The following NOS3 variants were observed in gnomAD, a reference collection of about 807,000 sequenced individuals.
The protein encoded by NOS3 is NOS type III.
A neutral mutation model predicts 144.9 loss-of-function variants in NOS3; 98 were observed. That is an observed-to-expected ratio of 0.68 (90% CI 0.57 to 0.80). NOS3 has a LOEUF of 0.80. Ranked by LOEUF, NOS3 falls within the 30% of genes least tolerant of loss-of-function variation. NOS3 has a pLI of 0.00. For missense variants in NOS3, 1,465 were observed against 1,656.4 expected (o/e 0.88, Z 2.01); for synonymous variants, 714 against 702.4 (o/e 1.02, Z -0.26).
intron 20 of NOS3, 79 bp downstream of exon 20, chr7:151,009,664 T>G: frequency 7.6e-7 from 1 of 1,310,462 alleles, no homozygotes; most frequent in Non-Finnish European, 1.0e-6. Flanking sequence ...CTCCAGGAGC[T>G]CAGGACCCGA....
At chr7:151,012,559 G>A in intron 24 of NOS3, 87 bp downstream of exon 24, 1 of 1,466,478 alleles carries the variant, frequency 6.8e-7, no homozygotes, top group Non-Finnish European at 9.3e-7. Context: ...AAATAGGAAA[G>A]AGAGGGCAGG....
At position 151,010,638 on chromosome 7, in the gene NOS3, C is replaced by G; in HGVS notation, c.2727C>G (p.Pro909=). Reference sequence around the variant, plus strand: ...AGGAGTGGAAGTGGTTCCGCTGCCCCACGCTGCTGGAGGTGCTGGAGCAGT... The same window carrying G: ...AGGAGTGGAAGTGGTTCCGCTGCCCGACGCTGCTGGAGGTGCTGGAGCAGT... ...RYEEWKWFRC[P]TLLEVLEQFP... Residue 909 remains proline, a synonymous_variant, in exon 22 of 27, where the codon CCC becomes CCG. Transcript: ENST00000297494. 2 of 1,605,498 alleles carry G rather than the reference C, an allele frequency of 1.2e-6. No individual in the cohort carries two copies. The highest frequency in any genetic ancestry group is 1.3e-5 in the African/African-American group (1 of 74,856).
At chr7:151,006,780 T>C (rs1795212057) in intron 15 of NOS3, 109 bp from the exon 16 acceptor site, 3 of 922,156 alleles carry the variant, frequency 3.3e-6, no homozygotes, top group Admixed American at 1.9e-5. Flanking sequence ...GGGCAGGGCC[T>C]TTCCTGTCCC....
rs1471729204 is a variant in NOS3, at chr7:151,009,194, A to T, written c.2251A>T (p.Ile751Phe). The T allele has an allele frequency of 3.1e-6, 5 of 1,612,326 alleles. No homozygotes were observed. Among genetic ancestry groups the T allele is most frequent in the Non-Finnish European group, 4.2e-6 (5 of 1,179,364 alleles). ...TTGCCCCTCCCCGCCCCCAGGTCTG[A>T]TCCACGTGCACAGGCGGAAGATGTT... ...AEGLQLLPGL[I>F]HVHRRKMFQA... Residue 751 changes from isoleucine to phenylalanine, a missense_variant, in exon 19 of 27, where the codon ATC (isoleucine) becomes TTC (phenylalanine). Ile to Phe is a conservative substitution (Grantham distance 21). Transcript: ENST00000297494.
chr7:150,997,614 C>T (rs1294792353), intron 5 of NOS3, among the ~76,000 whole-genome samples: 2 of 152,198 alleles, frequency 1.3e-5, no homozygotes, highest in Non-Finnish European at 2.9e-5. Flanking sequence ...CATCACTGGC[C>T]GCCAAAGAGT....
chr7:151,011,611 CAA>C (rs371264947), intron 23 of NOS3, among the ~76,000 whole-genome samples: 1,765 of 126,802 alleles, frequency 0.014, 39 homozygotes, highest in African/African-American at 0.043. Context: ...GACTCTGTCT[CAA>C]AAAAAAAAAA....
Position 151,009,382 on chromosome 7 carries a change from C to G in NOS3, c.2325-16C>G. The G allele has an allele frequency of 7.0e-7, 1 of 1,426,702 alleles. No individual in the cohort carries two copies. The highest frequency in any genetic ancestry group is 9.5e-7 in the Non-Finnish European group (1 of 1,057,850). The allele number at this position is 1,426,702 out of a possible 1,614,324, so 88.4% of individuals were successfully genotyped here. A position where few individuals can be genotyped will look rare whatever the true frequency, so the allele number is the denominator to read the frequency against. On this transcript the variant is annotated splice_polypyrimidine_tract_variant and intron_variant, in intron 19 of 26. Coordinates refer to ENST00000297494, the MANE Select transcript of NOS3 (RefSeq NM_000603.5). ...CCTCTCTGACTCCCCATAAGTGCCCCTCTCCCCACCCCCAGGAGGGCCACC... is the reference window on the plus strand; with the variant it reads ...CCTCTCTGACTCCCCATAAGTGCCCGTCTCCCCACCCCCAGGAGGGCCACC...
chr7:151,000,655 G>A lies in NOS3; in HGVS notation c.1233+56G>A, dbSNP rs1008426696. ...AAGGGTTTGCATACGGGGGCAGCAG[G>A]GGCGGGGGATGGAGGAGAGGCAGCC... On this transcript the variant is annotated intron_variant, in intron 10 of 26. Transcript: ENST00000297494. 15 of 1,213,816 alleles carry A rather than the reference G, an allele frequency of 1.2e-5. No homozygotes were observed. In the South Asian group the frequency reaches 1.7e-4, roughly 14 times the overall value. The allele number at this position is 1,213,816 out of a possible 1,614,324, so 75.2% of individuals were successfully genotyped here.
Position 151,006,950 on chromosome 7 carries a change from C to T in NOS3, c.1882C>T (p.Arg628Trp), listed in dbSNP as rs570681394. The change falls in exon 16 of 27, where the codon CGG (arginine) becomes TGG (tryptophan). Residue 628 changes from arginine to tryptophan, a missense_variant. Coordinates refer to ENST00000297494, the MANE Select transcript of NOS3 (RefSeq NM_000603.5). Reference sequence around the variant, plus strand: ...AGACCCACTGGTGTCCTCTTGGCGGCGGAAGAGGAAGGAGTCCAGTAACAC... The same window carrying T: ...AGACCCACTGGTGTCCTCTTGGCGGTGGAAGAGGAAGGAGTCCAGTAACAC... ...CSDPLVSSWR[R>W]KRKESSNTDS... 453 of 1,614,122 alleles carry T rather than the reference C, an allele frequency of 2.8e-4. 5 individuals are homozygous for T. In the South Asian group the frequency reaches 4.6e-3, roughly 16 times the overall value.
At chr7:151,001,718 C>A in intron 12 of NOS3, 101 bp downstream of exon 12, 1 of 1,575,054 alleles carries the variant, frequency 6.3e-7, no homozygotes, top group Non-Finnish European at 8.7e-7. Context: ...TCTGGGCCTA[C>A]CACTCAGTAT....
rs1584911926 is a variant in NOS3 at position 151,010,442 on chromosome 7, A to T, written c.2685+155A>T. 33 of 1,054,538 alleles carry T rather than the reference A, an allele frequency of 3.1e-5. No homozygotes were observed. In the East Asian group the frequency reaches 8.1e-4, roughly 26 times the overall value. 65.3% of individuals were successfully genotyped at this position (1,054,538 alleles called of 1,614,324 possible). A position where few individuals can be genotyped will look rare whatever the true frequency, so the allele number is the denominator to read the frequency against. On this transcript the variant is annotated intron_variant, in intron 21 of 26. Transcript: ENST00000297494. ...TTAAGACCCAGCTCCTCAGGGAGGA[A>T]TTCATGGCTGGATTCTCCAGGTCTT...
At chr7:151,007,311 C>A in intron 17 of NOS3, 35 bp downstream of exon 17, 2 of 1,557,110 alleles carry the variant, frequency 1.3e-6, no homozygotes, top group Non-Finnish European at 1.7e-6. Flanking sequence ...TGACTCCTGC[C>A]CCCTGGGATG....
In NOS3 at chr7:151,001,417, C is replaced by A. The variant is rs145805216; in HGVS notation, c.1420C>A (p.Arg474Ser). 3 of 1,586,870 alleles carry A rather than the reference C, an allele frequency of 1.9e-6. No homozygotes were observed. The highest frequency in any genetic ancestry group is 1.3e-5 in the African/African-American group (1 of 74,324). Residue 474 changes from arginine to serine, a missense_variant, in exon 11 of 27, where the codon CGC becomes AGC. This residue lies in a region of NOS3 where 745 missense variants were observed against 853.9 expected (regional missense o/e 0.87). Coordinates refer to ENST00000297494, the MANE Select transcript of NOS3 (RefSeq NM_000603.5). ...MVNYFLSPAF[R>S]YQPDPWKGSA... ...CAACTATTTCCTGTCCCCGGCCTTC[C>A]GCTACCAGGTGCCCACCCTAACTGG...
intron 4 of NOS3, 81 bp from the exon 5 acceptor site, chr7:150,996,682 C>A: frequency 6.6e-7 from 1 of 1,511,558 alleles, no homozygotes; most frequent in African/African-American, 1.4e-5. Context: ...CCTCCCCCAG[C>A]ACTTGCACAA....
At chr7:151,007,403 C>T in intron 17 of NOS3, 127 bp downstream of exon 17, 1 of 1,079,938 alleles carries the variant, frequency 9.3e-7, no homozygotes, top group South Asian at 1.6e-5. Flanking sequence ...CCTCATCTCT[C>T]CATGGCATAG....
chr7:150,996,342 C>G lies in NOS3; in HGVS notation c.271-62C>G, dbSNP rs11974098. The G allele has an allele frequency of 4.9e-3, 4,058 of 824,400 alleles. 239 individuals are homozygous for G. The African/African-American group carries it at 0.069, about 14-fold the overall frequency. The allele number at this position is 824,400 out of a possible 1,614,324, so 51.1% of individuals were successfully genotyped here. A position where few individuals can be genotyped will look rare whatever the true frequency, so the allele number is the denominator to read the frequency against. On this transcript the variant is annotated intron_variant, in intron 3 of 26. Transcript: ENST00000297494. ...CACCCCTGCACCCCTCCTCCCTGCCCCCAACTCCCATCCCACCCCTGCACC... is the reference window on the plus strand; with the variant it reads ...CACCCCTGCACCCCTCCTCCCTGCCGCCAACTCCCATCCCACCCCTGCACC...
chr7:151,006,888 G>A lies in NOS3; in HGVS notation c.1821-1G>A. 3 of 1,612,152 alleles carry A rather than the reference G, an allele frequency of 1.9e-6. No individual in the cohort carries two copies. The highest frequency in any genetic ancestry group is 2.2e-5 in the East Asian group (1 of 44,868). ...ACCTTGTCTTTGTCCTCTCTTGCCA[G>A]GAGTTATAAGATCCGCTTCAACAGC... On this transcript the variant is annotated splice_acceptor_variant, in intron 15 of 26. Transcript: ENST00000297494. LOFTEE classifies it high-confidence loss of function.
Position 151,013,930 on chromosome 7 carries a change from C to G in NOS3, c.3450+12C>G. On this transcript the variant is annotated intron_variant, in intron 26 of 26. Coordinates refer to ENST00000297494, the MANE Select transcript of NOS3 (RefSeq NM_000603.5). ...TCGGCGTGCTGCGGGTGCGGAGGGG[C>G]GGGCCGGGCCTGAGCGTGCGGGGTT... The G allele has an allele frequency of 6.3e-7, 1 of 1,596,892 alleles. No individual in the cohort carries two copies. The highest frequency in any genetic ancestry group is 8.5e-7 in the Non-Finnish European group (1 of 1,171,816).
In NOS3 at chr7:150,999,179, A is replaced by C; in HGVS notation, c.957-11A>C. ...CAAGGGGGTGCTGATCCCACACCCC[A>C]ACACCCCCAGGCTGGAGTGGTTTGC... On this transcript the variant is annotated splice_polypyrimidine_tract_variant and intron_variant, in intron 8 of 26. Transcript: ENST00000297494. 6.2e-7 allele frequency: 1 copy of C among 1,609,562 alleles called. No homozygotes were observed. The highest frequency in any genetic ancestry group is 8.5e-7 in the Non-Finnish European group (1 of 1,178,724).
Sources: gnomAD v4.1 joint callset for allele counts (sites outside exome capture counted in the v4.1 genomes callset) on GRCh38, gnomAD v4.1.1 for gene constraint, gnomAD v4.1.1 regional missense constraint, MANE v1.5 for transcripts, NCBI Gene and HGNC (gene_info 2026-07-23, HGNC 2026-07-21) for gene names.